FHIT: variants seen among roughly 807,000 people sequenced by gnomAD.
The protein encoded by FHIT is bis(5'-adenosyl)-triphosphatase.
In FHIT, 19 loss-of-function variants were observed where a neutral mutation model predicts 17.9. That is an observed-to-expected ratio of 1.06 (90% confidence interval 0.74 to 1.56). The LOEUF is 1.56. Among genes scored for constraint, FHIT ranks in the 40% most tolerant of loss-of-function variants. FHIT has a pLI of 0.00. For synonymous variants in FHIT, 81 were observed against 69.7 expected (o/e 1.16, Z -0.81); for missense variants, 248 against 189.2 (o/e 1.31, Z -1.82).
At chr3:59,920,383 T>A (rs1180933424) in intron 8 of FHIT, among the ~76,000 whole-genome samples, 1 of 152,212 alleles carries the variant, frequency 6.6e-6, no homozygotes, top group African/African-American at 2.4e-5. Flanking sequence ...TAATTACTTC[T>A]CCTGAGATGA....
intron 5 of FHIT, among the ~76,000 whole-genome samples, chr3:60,194,547 A>T (rs1424762729): frequency 6.6e-6 from 1 of 152,066 alleles, no homozygotes; most frequent in Non-Finnish European, 1.5e-5. Flanking sequence ...TATGACTAAG[A>T]CTCCAAAGCA....
intron 1 of FHIT, among the ~76,000 whole-genome samples, chr3:61,209,527 T>TA (rs938050643): frequency 6.6e-6 from 1 of 151,904 alleles, no homozygotes; most frequent in Admixed American, 6.6e-5. Flanking sequence ...TTTTTATTAT[T>TA]TTTTTTCTAA....
chr3:60,261,875 C>T (rs996918415), intron 5 of FHIT, among the ~76,000 whole-genome samples: 4 of 151,988 alleles, frequency 2.6e-5, no homozygotes, highest in South Asian at 4.1e-4. Flanking sequence ...AAAGGAACAT[C>T]TCTGTCTCTC....
At chr3:59,900,289 C>T (rs2107073754) in intron 8 of FHIT, among the ~76,000 whole-genome samples, 1 of 152,312 alleles carries the variant, frequency 6.6e-6, no homozygotes, top group South Asian at 2.1e-4. Flanking sequence ...TGAATGGTTC[C>T]TCCCAGCAGT....
chr3:61,100,023 G>C (rs1407176197), intron 2 of FHIT, among the ~76,000 whole-genome samples: 2 of 151,864 alleles, frequency 1.3e-5, no homozygotes, highest in East Asian at 3.9e-4. Context: ...TTGTGGTTTT[G>C]ATTTCTATTT....
chr3:60,075,613 T>G (rs1198457310), intron 5 of FHIT, among the ~76,000 whole-genome samples: 6 of 152,142 alleles, frequency 3.9e-5, no homozygotes, highest in African/African-American at 1.4e-4. Context: ...AATAGTCTAC[T>G]GTGCACCGTG....
chr3:60,052,531 G>T (rs1701923339), intron 5 of FHIT, among the ~76,000 whole-genome samples: 1 of 152,026 alleles, frequency 6.6e-6, no homozygotes. Flanking sequence ...AAAACAGTAG[G>T]AGGGAAAAGA....
chr3:60,834,599 C>A (rs1702461214), intron 3 of FHIT, among the ~76,000 whole-genome samples: 1 of 151,968 alleles, frequency 6.6e-6, no homozygotes, highest in South Asian at 2.1e-4. Context: ...TGGCTCACAC[C>A]TGTAATACCA....
At position 59,986,574 on chromosome 3, in the gene FHIT, TACAC is replaced by T. The variant is rs1203741421; in HGVS notation, c.279+24793_279+24796del. ...ACACACACACACACACACACATATA[TACAC>T]ACACACACACACACACACATATATA... On this transcript the variant is annotated intron_variant, in intron 7 of 9. Coordinates refer to ENST00000492590, the MANE Select transcript of FHIT (RefSeq NM_002012.4). Among the ~76,000 whole-genome samples the T allele has an allele frequency of 5.1e-3, 304 of 59,596 alleles. 50 individuals carry two copies. The highest frequency in any genetic ancestry group is 0.023 in the African/African-American group (274 of 11,962). 39.1% of individuals were successfully genotyped at this position (59,596 alleles called of 152,430 possible). A position where few individuals can be genotyped will look rare whatever the true frequency, so the allele number is the denominator to read the frequency against.
chr3:60,957,107 G>A (rs1408517992), intron 3 of FHIT, among the ~76,000 whole-genome samples: 3 of 152,016 alleles, frequency 2.0e-5, no homozygotes, highest in South Asian at 2.1e-4. Context: ...ATACTAAGCC[G>A]GGCAGAGATA....
At chr3:60,242,002 G>A (rs1238119534) in intron 5 of FHIT, among the ~76,000 whole-genome samples, 1 of 151,986 alleles carries the variant, frequency 6.6e-6, no homozygotes, top group African/African-American at 2.4e-5. Flanking sequence ...CACAATTATT[G>A]GTTAGGAAAA....
intron 2 of FHIT, among the ~76,000 whole-genome samples, chr3:61,159,665 A>T (rs553162076): frequency 6.6e-6 from 1 of 152,390 alleles, no homozygotes; most frequent in East Asian, 1.9e-4. Context: ...ACACAATATA[A>T]GACATGATTT....
At chr3:59,955,675 A>C (rs527357619) in intron 7 of FHIT, among the ~76,000 whole-genome samples, 3 of 152,318 alleles carry the variant, frequency 2.0e-5, no homozygotes, top group Admixed American at 2.0e-4. Flanking sequence ...TCACCTGCTT[A>C]AATGGTATTG....
intron 7 of FHIT, among the ~76,000 whole-genome samples, chr3:60,007,905 T>C (rs575800842): frequency 3.3e-5 from 5 of 152,088 alleles, no homozygotes; most frequent in Admixed American, 2.6e-4. Flanking sequence ...CACTTGAGGG[T>C]AGACAAATGG....
rs544002973 is a variant in FHIT at position 60,349,202 on chromosome 3, T to C, written c.103+187658A>G. On this transcript the variant is annotated intron_variant, in intron 5 of 9. Coordinates refer to ENST00000492590, the MANE Select transcript of FHIT (RefSeq NM_002012.4). Reference sequence around the variant, plus strand: ...TAAAAGAGAAAAGACAAAATTAAATTTGTATGCACAGTCTGAATTTTGAAG... The same window carrying C: ...TAAAAGAGAAAAGACAAAATTAAATCTGTATGCACAGTCTGAATTTTGAAG... Among the ~76,000 whole-genome samples, 22 of 152,282 alleles carry C rather than the reference T, an allele frequency of 1.4e-4. No individual in the cohort carries two copies. In the East Asian group the frequency reaches 4.1e-3, roughly 28 times the overall value.
chr3:59,914,735 C>T (rs557281079), intron 8 of FHIT, among the ~76,000 whole-genome samples: 61 of 151,868 alleles, frequency 4.0e-4, no homozygotes, highest in Non-Finnish European at 4.3e-4. Context: ...TTGAGGGAAT[C>T]GTGTCAATGC....
intron 2 of FHIT, among the ~76,000 whole-genome samples, chr3:61,195,879 G>C (rs2038839186): frequency 6.6e-6 from 1 of 152,122 alleles, no homozygotes; most frequent in South Asian, 2.1e-4. Flanking sequence ...TTATAAGGTA[G>C]ATGCCTAAAG....
At chr3:60,159,197 T>G (rs998622802) in intron 5 of FHIT, among the ~76,000 whole-genome samples, 3 of 152,182 alleles carry the variant, frequency 2.0e-5, no homozygotes, top group Non-Finnish European at 2.9e-5. Flanking sequence ...CATGGCTCTC[T>G]GCAGCCTCAA....
intron 5 of FHIT, among the ~76,000 whole-genome samples, chr3:60,198,672 T>C (rs1050200162): frequency 6.6e-6 from 1 of 152,172 alleles, no homozygotes; most frequent in Non-Finnish European, 1.5e-5. Flanking sequence ...CACCGTCAAC[T>C]TATGGTTATG....
Sources: gnomAD v4.1 joint callset for allele counts (sites outside exome capture counted in the v4.1 genomes callset) on GRCh38, gnomAD v4.1.1 for gene constraint, MANE v1.5 for transcripts, NCBI Gene and HGNC (gene_info 2026-07-23, HGNC 2026-07-21) for gene names.